Variants in FAM13A observed in about 807,000 individuals in gnomAD.
FAM13A encodes protein FAM13A.
A neutral mutation model predicts 129.6 loss-of-function variants in FAM13A; 76 were observed. The observed-to-expected ratio is 0.59, with a 90% CI of 0.49 to 0.71. The LOEUF (loss-of-function observed/expected upper bound fraction) is 0.71. Ranked by LOEUF, FAM13A falls within the 30% of genes least tolerant of loss-of-function variation. The pLI, the probability that FAM13A is intolerant of heterozygous loss-of-function variation, is 0.00. For missense variants in FAM13A, 1,108 were observed against 1,249.3 expected (o/e 0.89, Z 1.70); for synonymous variants, 443 against 449.9 (o/e 0.98, Z 0.20).
At chr4:88,758,360 C>T (rs978598179) in intron 14 of FAM13A, among the ~76,000 whole-genome samples, 2 of 151,956 alleles carry the variant, frequency 1.3e-5, no homozygotes, top group Non-Finnish European at 2.9e-5. Context: ...AAGAGGCAGG[C>T]GACTGGCATG....
intron 6 of FAM13A, chr4:88,855,983 A>C (rs1297194760): frequency 2.0e-5 from 3 of 152,212 alleles, no homozygotes; most frequent in African/African-American, 7.2e-5. Context: ...AGGTTTCTCC[A>C]CTTAAAAGTT....
At chr4:88,822,233 G>A (rs1732104483) in intron 7 of FAM13A, among the ~76,000 whole-genome samples, 1 of 152,252 alleles carries the variant, frequency 6.6e-6, no homozygotes, top group East Asian at 1.9e-4. Context: ...ACCTTGGGCA[G>A]CCCTGAGGCC....
At position 88,950,956 on chromosome 4, in the gene FAM13A, G is replaced by C. The variant is rs146807837; in HGVS notation, c.606-12715C>G. Among the ~76,000 whole-genome samples, 5 of 152,306 alleles carry C rather than the reference G, an allele frequency of 3.3e-5. 1 individual carries two copies. The highest frequency in any genetic ancestry group is 3.3e-4 in the Admixed American group (5 of 15,298). ...AGTTTCAGAGAACCTGCATTAGATA[G>C]AGCAACTAAAATATTACAAGAGAAG... On this transcript the variant is annotated intron_variant, in intron 4 of 23. Coordinates refer to ENST00000264344, the MANE Select transcript of FAM13A (RefSeq NM_014883.4).
At chr4:88,759,555 A>G (rs565274291) in intron 13 of FAM13A, 7 of 152,348 alleles carry the variant, frequency 4.6e-5, no homozygotes, top group Admixed American at 2.0e-4. Context: ...CTCAGCTAGC[A>G]GTAAAGAATA....
At chr4:88,781,046 A>G (rs780215871) in intron 11 of FAM13A, 119 bp downstream of exon 11, 9 of 568,490 alleles carry the variant, frequency 1.6e-5, no homozygotes, top group Non-Finnish European at 2.4e-5. Flanking sequence ...TAGTAGCTCT[A>G]AGGTCTCTTC....
intron 4 of FAM13A, among the ~76,000 whole-genome samples, chr4:88,971,613 C>T (rs1366341336): frequency 6.6e-6 from 1 of 152,082 alleles, no homozygotes; most frequent in Admixed American, 6.6e-5. Context: ...CTCAAGAGAA[C>T]CTCCTGCCTT....
chr4:88,935,464 T>C (rs796790176), intron 5 of FAM13A, among the ~76,000 whole-genome samples: 8 of 152,336 alleles, frequency 5.3e-5, no homozygotes, highest in African/African-American at 1.2e-4. Flanking sequence ...ATATATTTTA[T>C]GTCCCTGTTA....
chr4:88,972,710 G>A (rs1185775604), intron 4 of FAM13A, among the ~76,000 whole-genome samples: 1 of 151,806 alleles, frequency 6.6e-6, no homozygotes, highest in African/African-American at 2.4e-5. Context: ...CAGTTCAAGA[G>A]ATTCTTGTGC....
At chr4:88,915,695 T>C (rs1750001563) in intron 5 of FAM13A, among the ~76,000 whole-genome samples, 1 of 152,194 alleles carries the variant, frequency 6.6e-6, no homozygotes, top group African/African-American at 2.4e-5. Flanking sequence ...GTTTGAGTAT[T>C]TGTCCTCTCC....
At chr4:88,961,724 T>C (rs1170502917) in intron 4 of FAM13A, among the ~76,000 whole-genome samples, 1 of 152,062 alleles carries the variant, frequency 6.6e-6, no homozygotes, top group Admixed American at 6.6e-5. Flanking sequence ...AATAAATAAA[T>C]GTATGACATG....
chr4:88,883,600 G>T (rs1817281), intron 6 of FAM13A, among the ~76,000 whole-genome samples: 85,208 of 151,724 alleles, frequency 0.56, 24,915 homozygotes, highest in East Asian at 0.81. Flanking sequence ...CACACCTCAA[G>T]GAACTGGAGA....
At chr4:89,025,160 G>C (rs890306150) in intron 2 of FAM13A, among the ~76,000 whole-genome samples, 4 of 150,970 alleles carry the variant, frequency 2.6e-5, no homozygotes, top group Non-Finnish European at 5.9e-5. Flanking sequence ...TGACCATCCA[G>C]GAGTTCACTT....
In FAM13A at chr4:88,899,720, GTC is replaced by G. The variant is rs1315429954; in HGVS notation, c.843+6657_843+6658del. 2.6e-5 allele frequency among the ~76,000 whole-genome samples: 4 copies of G among 152,162 alleles called. No homozygotes were observed. The East Asian group carries it at 7.7e-4, about 29-fold the overall frequency. On this transcript the variant is annotated intron_variant, in intron 6 of 23. Transcript: ENST00000264344. ...TACTGAAAACTCAAAAAGCTAGAGT[GTC>G]TCTTCTCCAAATGACTGCAACACCT... is the stretch of plus-strand genomic sequence containing the variant.
chr4:88,893,819 T>C (rs1400734475), intron 6 of FAM13A, among the ~76,000 whole-genome samples: 5 of 97,796 alleles, frequency 5.1e-5, no homozygotes, highest in African/African-American at 8.2e-5. Flanking sequence ...GGAGCGAGAC[T>C]CCGTCTCAAA....
chr4:88,731,661 G>A, intron 22 of FAM13A: 2 of 539,656 alleles, frequency 3.7e-6, no homozygotes, highest in Non-Finnish European at 6.5e-6. Flanking sequence ...CTTAGCCCTT[G>A]TGAAATCCCA....
At chr4:88,936,077 G>A (rs969014149) in intron 5 of FAM13A, among the ~76,000 whole-genome samples, 3 of 152,062 alleles carry the variant, frequency 2.0e-5, no homozygotes, top group Non-Finnish European at 4.4e-5. Flanking sequence ...ATCTACCTAA[G>A]ACATCTGTAT....
intron 1 of FAM13A, among the ~76,000 whole-genome samples, chr4:89,050,403 G>T: frequency 6.6e-6 from 1 of 151,816 alleles, no homozygotes; most frequent in African/African-American, 2.4e-5. Flanking sequence ...ATGGGGTTTT[G>T]TCATGTTGGC....
intron 2 of FAM13A, among the ~76,000 whole-genome samples, chr4:89,027,180 C>T (rs547489556): frequency 7.9e-5 from 12 of 152,138 alleles, no homozygotes; most frequent in East Asian, 5.8e-4. Context: ...TTAAAAAGTA[C>T]GCATAGTAAG....
intron 1 of FAM13A, among the ~76,000 whole-genome samples, chr4:89,039,976 A>G (rs1769897003): frequency 6.6e-6 from 1 of 152,060 alleles, no homozygotes; most frequent in Non-Finnish European, 1.5e-5. Context: ...AAGCAAAAAT[A>G]AAAACAGCCA....
Sources: gnomAD v4.1 joint callset for allele counts (sites outside exome capture counted in the v4.1 genomes callset) on GRCh38, gnomAD v4.1.1 for gene constraint, MANE v1.5 for transcripts, NCBI Gene and HGNC (gene_info 2026-07-23, HGNC 2026-07-21) for gene names.